YTHDF2: variants seen among roughly 807,000 people sequenced by gnomAD.
YTHDF2 encodes the protein YTH N6-methyladenosine RNA binding protein F2.
A neutral mutation model predicts 50.4 loss-of-function variants in YTHDF2; 2 were observed. The ratio of observed to expected loss-of-function variants is 0.04; its 90% CI spans 0.02 to 0.12. YTHDF2 has a LOEUF of 0.12. Among genes scored for constraint, YTHDF2 ranks in the 10% least tolerant of loss-of-function variants. The probability of loss-of-function intolerance (pLI) is 1.00; values close to 1 mark genes in which losing one functional copy is unlikely to be tolerated. For synonymous variants in YTHDF2, 217 were observed against 255.6 expected (o/e 0.85, Z 1.44); for missense variants, 483 against 722.6 (o/e 0.67, Z 3.80).
chr1:28,756,320 T>G (rs988130363), intron 4 of YTHDF2, among the ~76,000 whole-genome samples: 1 of 152,216 alleles, frequency 6.6e-6, no homozygotes, highest in African/African-American at 2.4e-5. Context: ...CTTAAACATT[T>G]GTGGGACAAG....
Position 28,738,259 on chromosome 1 carries a change from T to C in YTHDF2, c.53T>C (p.Val18Ala). Reference sequence around the variant, plus strand: ...CCTAATTGAATTTTTTTTTCTTTAGTACAAAATGGATCTGTACATCAAAAG... The same window carrying C: ...CCTAATTGAATTTTTTTTTCTTTAGCACAAAATGGATCTGTACATCAAAAG... ...EQRPKGQGNKVQNGSVHQKDG... is the reference protein window; with the variant it reads ...EQRPKGQGNKAQNGSVHQKDG... The change falls in exon 3 of 5, where the codon GTA (valine) becomes GCA (alanine). Residue 18 changes from valine (V) to alanine (A), a missense_variant and splice_region_variant. Around this residue, in one of 4 missense-constraint regions of YTHDF2, gnomAD observed 385 missense variants for 475.8 expected, o/e 0.81. Coordinates refer to ENST00000373812, the MANE Select transcript of YTHDF2 (RefSeq NM_016258.3). 1 of 1,613,610 alleles carries C rather than the reference T, an allele frequency of 6.2e-7. No homozygotes were observed. The highest frequency in any genetic ancestry group is 2.2e-5 in the East Asian group (1 of 44,876).
At chr1:28,751,518 A>T (rs192239043) in intron 4 of YTHDF2, among the ~76,000 whole-genome samples, 34 of 152,300 alleles carry the variant, frequency 2.2e-4, no homozygotes, top group African/African-American at 8.2e-4. Context: ...ATACTTGTTT[A>T]TCTGCCAAAA....
chr1:28,762,436 C>T (rs910757351), intron 4 of YTHDF2, among the ~76,000 whole-genome samples: 3 of 152,114 alleles, frequency 2.0e-5, no homozygotes, highest in Non-Finnish European at 2.9e-5. Context: ...TGACTCCCGT[C>T]TAAGCATTTT....
chr1:28,749,179 CTTT>C (rs60729215), intron 4 of YTHDF2, among the ~76,000 whole-genome samples: 34,091 of 105,962 alleles, frequency 0.32, 3,582 homozygotes, highest in East Asian at 0.6. Flanking sequence ...TTCTTTCTTC[CTTT>C]TTTTTTTTTT....
At chr1:28,737,577 G>A in intron 1 of YTHDF2, 81 bp from the exon 2 acceptor site, 2 of 1,595,692 alleles carry the variant, frequency 1.3e-6, no homozygotes, top group Non-Finnish European at 1.7e-6. Context: ...TTCTCCCTTC[G>A]GGCCCTGCCT....
chr1:28,749,388 G>A (rs1359897934), intron 4 of YTHDF2, among the ~76,000 whole-genome samples: 1 of 151,834 alleles, frequency 6.6e-6, no homozygotes, highest in Non-Finnish European at 1.5e-5. Context: ...CACCGTGTTA[G>A]CCAGGATGGT....
At chr1:28,736,862 T>G, upstream of YTHDF2, 24 of 317,702 alleles carry the variant, frequency 7.6e-5, no homozygotes, top group Non-Finnish European at 8.8e-5. Context: ...CCGCCTCCGC[T>G]GTTCGGCGCT....
At chr1:28,752,135 C>G (rs2087963925) in intron 4 of YTHDF2, among the ~76,000 whole-genome samples, 1 of 152,206 alleles carries the variant, frequency 6.6e-6, no homozygotes, top group Non-Finnish European at 1.5e-5. Flanking sequence ...GTTTAGCTTT[C>G]AAGAATACCT....
In YTHDF2 at chr1:28,738,373, G is replaced by C; in HGVS notation, c.132+35G>C. On this transcript the variant is annotated intron_variant, in intron 3 of 4. Coordinates refer to ENST00000373812, the MANE Select transcript of YTHDF2 (RefSeq NM_016258.3). ...TAACTATTTACATATCTAATCGAAG[G>C]GTGTGGTATATTCTTTCTCCGCCTT... is the stretch of plus-strand genomic sequence containing the variant. 2.0e-6 allele frequency: 3 copies of C among 1,518,430 alleles called. No individual in the cohort carries two copies. The South Asian group carries it at 3.4e-5, about 17-fold the overall frequency. 94.1% of individuals were successfully genotyped at this position (1,518,430 alleles called of 1,614,324 possible). A position where few individuals can be genotyped will look rare whatever the true frequency, so the allele number is the denominator to read the frequency against.
intron 4 of YTHDF2, among the ~76,000 whole-genome samples, chr1:28,761,120 TG>T: frequency 2.5e-5 from 3 of 117,762 alleles, no homozygotes; most frequent in Admixed American, 1.8e-4. Flanking sequence ...TGTGTGTGTG[TG>T]TGTGTGTGTA....
At chr1:28,753,851 T>G (rs936817229) in intron 4 of YTHDF2, among the ~76,000 whole-genome samples, 18 of 151,776 alleles carry the variant, frequency 1.2e-4, no homozygotes, top group African/African-American at 4.1e-4. Flanking sequence ...GGATTACAGG[T>G]GCCTGTCACC....
At chr1:28,765,997 C>G (rs555738929) in intron 4 of YTHDF2, among the ~76,000 whole-genome samples, 2 of 152,292 alleles carry the variant, frequency 1.3e-5, no homozygotes, top group Admixed American at 1.3e-4. Context: ...AGATCTTATT[C>G]AGACTTTATC....
intron 4 of YTHDF2, among the ~76,000 whole-genome samples, chr1:28,753,318 T>A (rs1490308789): frequency 8.6e-6 from 1 of 116,252 alleles, no homozygotes; most frequent in Admixed American, 1.2e-4. Flanking sequence ...ACCCAGGAGT[T>A]TGAGACCAGC....
chr1:28,740,662 A>G (rs1162244321), intron 3 of YTHDF2, among the ~76,000 whole-genome samples: 1 of 152,148 alleles, frequency 6.6e-6, no homozygotes, highest in African/African-American at 2.4e-5. Context: ...TAAATGTGAA[A>G]AGGGTATGTG....
intron 4 of YTHDF2, among the ~76,000 whole-genome samples, chr1:28,758,697 T>C (rs11810125): frequency 6.6e-6 from 1 of 152,192 alleles, no homozygotes; most frequent in African/African-American, 2.4e-5. Context: ...ATGTTATACA[T>C]GAACTGCAGG....
intron 4 of YTHDF2, among the ~76,000 whole-genome samples, chr1:28,755,921 C>T (rs1015050113): frequency 6.6e-6 from 1 of 152,100 alleles, no homozygotes; most frequent in African/African-American, 2.4e-5. Context: ...ATAGGGGATA[C>T]ACAGCCTGTA....
At chr1:28,746,132 T>C (rs1402433379) in intron 4 of YTHDF2, among the ~76,000 whole-genome samples, 1 of 152,176 alleles carries the variant, frequency 6.6e-6, no homozygotes, top group Non-Finnish European at 1.5e-5. Context: ...GTCATCAGGC[T>C]TCTGTTTCTA....
chr1:28,738,034 G>A (rs999730355), intron 2 of YTHDF2, among the ~76,000 whole-genome samples: 1 of 152,106 alleles, frequency 6.6e-6, no homozygotes, highest in African/African-American at 2.4e-5. Context: ...GAAATCCAGA[G>A]GAGCCAATAA....
At chr1:28,747,315 T>C (rs1160713048) in intron 4 of YTHDF2, among the ~76,000 whole-genome samples, 2 of 151,898 alleles carry the variant, frequency 1.3e-5, no homozygotes, top group Non-Finnish European at 2.9e-5. Context: ...CTCATGCCTG[T>C]AATCCCAGCA....
Sources: gnomAD v4.1 joint callset for allele counts (sites outside exome capture counted in the v4.1 genomes callset) on GRCh38, gnomAD v4.1.1 for gene constraint, gnomAD v4.1.1 regional missense constraint, MANE v1.5 for transcripts, NCBI Gene and HGNC (gene_info 2026-07-23, HGNC 2026-07-21) for gene names.